The following DIPK1B variants were observed in gnomAD, a reference collection of about 807,000 sequenced individuals.
DIPK1B encodes family with sequence similarity 69 member B.
Under a neutral mutation model 20.7 loss-of-function variants are expected in DIPK1B, and 17 were observed. That is an observed-to-expected ratio of 0.82 (90% confidence interval 0.56 to 1.23). The LOEUF (loss-of-function observed/expected upper bound fraction) is 1.23. DIPK1B is among the 50% of genes most tolerant of loss of function. DIPK1B has a pLI of 0.00. For missense variants in DIPK1B, 648 were observed against 601.8 expected, an observed-to-expected ratio of 1.08 and a Z score of -0.80; for synonymous variants, 343 against 276.5, an observed-to-expected ratio of 1.24 and a Z score of -2.39.
intron 2 of DIPK1B, chr9:136,721,614 C>T (rs749272446): frequency 5.5e-5 from 19 of 347,368 alleles, no homozygotes; most frequent in South Asian, 1.4e-4. Context: ...GGCGTGGGGT[C>T]GACACTGGGT....
chr9:136,723,103 C>A lies in DIPK1B; in HGVS notation c.625C>A (p.Leu209Met). The A allele has an allele frequency of 4.3e-6, 7 of 1,613,616 alleles. No individual in the cohort carries two copies. The highest frequency in any genetic ancestry group is 5.9e-6 in the Non-Finnish European group (7 of 1,180,038). Residue 209 changes from leucine to methionine, a missense_variant, in exon 5 of 5, where the codon CTG becomes ATG. Physicochemically the swap from Leu to Met is conservative, Grantham distance 15 (BLOSUM62 2). Transcript: ENST00000371692. ...ALLQRNEFLL[L>M]LSLQEKEHAS... is the part of the protein sequence containing the mutation. ...GCTGCAGCGTAACGAGTTCCTGCTG[C>A]TGCTGTCCCTGCAGGAGAAGGAGCA...
At chr9:136,718,762 G>A (rs1846542979) in intron 2 of DIPK1B, among the ~76,000 whole-genome samples, 1 of 152,202 alleles carries the variant, frequency 6.6e-6, no homozygotes. Context: ...CACCTCTCCT[G>A]GCAACTGGGT....
chr9:136,714,611 A>C (rs752869530), intron 1 of DIPK1B, among the ~76,000 whole-genome samples: 3 of 152,186 alleles, frequency 2.0e-5, no homozygotes, highest in East Asian at 1.9e-4. Flanking sequence ...TGCCAGAACA[A>C]CACCCACCCC....
At position 136,722,249 on chromosome 9, in the gene DIPK1B, C is replaced by T; in HGVS notation, c.431C>T (p.Thr144Ile). ...GAGCTGGTACTGTTTGACAAGCCCA[C>T]CCGGGGCACCTCCATCAAGGAATTC... The part of the protein sequence containing the change: ...RRELVLFDKP[T>I]RGTSIKEFRE... The change falls in exon 4 of 5, where the codon ACC becomes ATC. Residue 144 changes from threonine (T) to isoleucine (I), a missense_variant. Coordinates refer to ENST00000371692, the MANE Select transcript of DIPK1B (RefSeq NM_152421.4). 1.9e-6 allele frequency: 3 copies of T among 1,613,922 alleles called. No homozygotes were observed. The highest frequency in any genetic ancestry group is 1.7e-6 in the Non-Finnish European group (2 of 1,179,990).
At chr9:136,717,059 T>C (rs1024964953) in intron 1 of DIPK1B, among the ~76,000 whole-genome samples, 2 of 151,886 alleles carry the variant, frequency 1.3e-5, no homozygotes, top group Non-Finnish European at 2.9e-5. Flanking sequence ...TGAAACCCCG[T>C]CTCTACTAAA....
In DIPK1B at chr9:136,722,275, C is replaced by G. The variant is rs769510854; in HGVS notation, c.457C>G (p.Arg153Gly). Residue 153 changes from arginine to glycine, a missense_variant, in exon 4 of 5, where the codon CGG becomes GGG. Arg to Gly is a moderately radical substitution (Grantham distance 125, BLOSUM62 -2). Transcript: ENST00000371692. ...CCGGGGCACCTCCATCAAGGAATTCCGGGAGATGACCCTCAGCTTCCTCAA... is the reference window on the plus strand; with the variant it reads ...CCGGGGCACCTCCATCAAGGAATTCGGGGAGATGACCCTCAGCTTCCTCAA... ...PTRGTSIKEF[R>G]EMTLSFLKAN... The G allele has an allele frequency of 6.2e-7, 1 of 1,613,640 alleles. No individual in the cohort carries two copies. Among genetic ancestry groups the G allele is most frequent in the Non-Finnish European group, 8.5e-7 (1 of 1,179,872 alleles).
rs746420716 is a variant in DIPK1B at position 136,717,665 on chromosome 9, C to T, written c.152C>T (p.Ser51Leu). Residue 51 changes from serine (S) to leucine (L), a missense_variant, in exon 2 of 5, where the codon TCG (serine) becomes TTG (leucine). Physicochemically the swap from Ser to Leu is moderately radical, Grantham distance 145 (BLOSUM62 -2). Coordinates refer to ENST00000371692, the MANE Select transcript of DIPK1B (RefSeq NM_152421.4). ...AGSWLVYVHY[S>L]SYSERCRGHV... ...AGCTGGCTGGTGTACGTGCACTACT[C>T]GTCCTACTCGGAGCGCTGTCGCGGC... The T allele has an allele frequency of 6.8e-6, 11 of 1,609,802 alleles. No individual in the cohort carries two copies. Among genetic ancestry groups the T allele is most frequent in the Admixed American group, 1.7e-5 (1 of 60,024 alleles).
Position 136,723,344 on chromosome 9 carries a change from CT to C in DIPK1B, c.868del (p.Tyr290ThrfsTer65), listed in dbSNP as rs767704630. Reference sequence around the variant, plus strand: ...TTCGTGGAGGAGCTCTTCCACGGCTCTTACGGGACTTTCTACATGTGTGAGA... The same window carrying C: ...TTCGTGGAGGAGCTCTTCCACGGCTCTACGGGACTTTCTACATGTGTGAGA... ...LEFVEELFHG[S>X]YGTFYMCETT... On this transcript the variant is annotated frameshift_variant, in exon 5 of 5. Transcript: ENST00000371692. LOFTEE classifies it low-confidence loss of function (END_TRUNC). 6.2e-7 allele frequency: 1 copy of C among 1,613,390 alleles called. No homozygotes were observed. Among genetic ancestry groups the C allele is most frequent in the South Asian group, 1.1e-5 (1 of 91,090 alleles).
rs117518036 is a variant in DIPK1B, at chr9:136,714,344, G to A, written c.63+1616G>A. Among the ~76,000 whole-genome samples, 814 of 152,312 alleles carry A rather than the reference G, an allele frequency of 5.3e-3. 36 individuals carry two copies. In the East Asian group the frequency reaches 0.094, roughly 18 times the overall value. ...CCTGTCTCAAAAGAACAACAACAACGAAAGAGCTGGGGGATGAACCAGAGC... is the reference window on the plus strand; with the variant it reads ...CCTGTCTCAAAAGAACAACAACAACAAAAGAGCTGGGGGATGAACCAGAGC... On this transcript the variant is annotated intron_variant, in intron 1 of 4. Coordinates refer to ENST00000371692, the MANE Select transcript of DIPK1B (RefSeq NM_152421.4).
chr9:136,719,134 G>A (rs1384705658), intron 2 of DIPK1B, among the ~76,000 whole-genome samples: 1 of 151,340 alleles, frequency 6.6e-6, no homozygotes, highest in Non-Finnish European at 1.5e-5. Context: ...CGGACCTCCG[G>A]GCCGGGATGT....
chr9:136,714,089 G>A (rs1846463052), intron 1 of DIPK1B, among the ~76,000 whole-genome samples: 1 of 152,216 alleles, frequency 6.6e-6, no homozygotes, highest in Admixed American at 6.5e-5. Context: ...GCCAGGGTGG[G>A]CCAGGGAGCA....
At chr9:136,722,835 C>T (rs995553911) in intron 4 of DIPK1B, 127 bp from the exon 5 acceptor site, 4 of 943,964 alleles carry the variant, frequency 4.2e-6, no homozygotes, top group Non-Finnish European at 6.2e-6. Flanking sequence ...GGGCTGGGAC[C>T]CCTAACCTGG....
intron 1 of DIPK1B, among the ~76,000 whole-genome samples, chr9:136,715,112 C>T (rs1010142080): frequency 1.4e-4 from 21 of 152,204 alleles, no homozygotes; most frequent in African/African-American, 5.1e-4. Flanking sequence ...TCTCCCTGGC[C>T]GCAGGTGGAC....
At chr9:136,714,622 C>G (rs1298458606) in intron 1 of DIPK1B, among the ~76,000 whole-genome samples, 1 of 152,246 alleles carries the variant, frequency 6.6e-6, no homozygotes, top group Admixed American at 6.5e-5. Flanking sequence ...CACCCACCCC[C>G]CATTGTTTCT....
rs11145836 is a variant in DIPK1B, at chr9:136,712,969, C to G, written c.63+241C>G. 0.41 allele frequency among the ~76,000 whole-genome samples: 62,363 copies of G among 152,076 alleles called. 13,221 individuals are homozygous for G. Among genetic ancestry groups the G allele is most frequent in the South Asian group, 0.5 (2,394 of 4,830 alleles). ...TGCTGCGGCCTGGAGGCCCTCGCCC[C>G]GACCTGCAGGCGGTCCCTGCCCCCC... On this transcript the variant is annotated intron_variant, in intron 1 of 4. Transcript: ENST00000371692. The surrounding 1 kb of genome is among the most constrained non-coding windows in gnomAD (Gnocchi z 5.6).
intron 1 of DIPK1B, among the ~76,000 whole-genome samples, chr9:136,716,205 G>A (rs1291895476): frequency 6.6e-6 from 1 of 151,532 alleles, no homozygotes; most frequent in Non-Finnish European, 1.5e-5. Flanking sequence ...TCCCCCGGCT[G>A]TGAACTTAAG....
In DIPK1B at chr9:136,722,115, C is replaced by A; in HGVS notation, c.307-10C>A. The A allele has an allele frequency of 6.2e-7, 1 of 1,613,790 alleles. No homozygotes were observed. Among genetic ancestry groups the A allele is most frequent in the Non-Finnish European group, 8.5e-7 (1 of 1,179,936 alleles). ...ATGTCTGCACGGAGGACCTCTGTGG[C>A]CCTGTCCAGGTGTACAGCGGGCTCT... On this transcript the variant is annotated splice_polypyrimidine_tract_variant and intron_variant, in intron 3 of 4. Coordinates refer to ENST00000371692, the MANE Select transcript of DIPK1B (RefSeq NM_152421.4).
At chr9:136,721,846 C>T (rs1006205153) in intron 2 of DIPK1B, 75 bp from the exon 3 acceptor site, 83 of 1,363,020 alleles carry the variant, frequency 6.1e-5, no homozygotes, top group Non-Finnish European at 7.6e-5. Context: ...CTGCCAGCTT[C>T]GGGCCTGTGG....
rs765339667 is a variant in DIPK1B at position 136,717,685 on chromosome 9, C to T, written c.172C>T (p.Arg58Cys). Residue 58 changes from arginine (R) to cysteine (C), a missense_variant, in exon 2 of 5, where the codon CGC becomes TGC. Transcript: ENST00000371692. ...CTACTCGTCCTACTCGGAGCGCTGT[C>T]GCGGCCATGTCTGCCAGGTGGTCAT... Reference protein sequence around the residue: ...VHYSSYSERCRGHVCQVVICD... With the variant: ...VHYSSYSERCCGHVCQVVICD... The T allele has an allele frequency of 8.1e-6, 13 of 1,610,744 alleles. No homozygotes were observed. The highest frequency in any genetic ancestry group is 1.3e-5 in the African/African-American group (1 of 74,928).
Sources: gnomAD v4.1 joint callset for allele counts (sites outside exome capture counted in the v4.1 genomes callset) on GRCh38, gnomAD v4.1.1 for gene constraint, Gnocchi (gnomAD v3.1) non-coding constraint, MANE v1.5 for transcripts, NCBI Gene and HGNC (gene_info 2026-07-23, HGNC 2026-07-21) for gene names.